Variants in NPSR1 observed in about 807,000 individuals in gnomAD.
NPSR1 encodes the protein neuropeptide S receptor.
Under a neutral mutation model 46.9 loss-of-function variants are expected in NPSR1, and 48 were observed. The ratio of observed to expected loss-of-function variants is 1.02; its 90% CI spans 0.81 to 1.30. The LOEUF is 1.30. NPSR1 is among the 50% of genes most tolerant of loss of function. The pLI is 0.00. For synonymous variants in NPSR1, 176 were observed against 168.1 expected, an observed-to-expected ratio of 1.05 and a Z score of -0.36; for missense variants, 450 against 449.5, an observed-to-expected ratio of 1.00 and a Z score of -0.01.
At chr7:34,757,625 C>G (rs1166564946) in intron 2 of NPSR1, among the ~76,000 whole-genome samples, 1 of 152,168 alleles carries the variant, frequency 6.6e-6, no homozygotes, top group Non-Finnish European at 1.5e-5. Context: ...TGAAGCCCAG[C>G]CTGTTCTTAC....
chr7:34,863,731 T>G, intron 8 of NPSR1, among the ~76,000 whole-genome samples: 1 of 151,762 alleles, frequency 6.6e-6, no homozygotes. Flanking sequence ...AAACAACAGA[T>G]GCTGGAGAGG....
At chr7:34,704,396 G>A (rs953353839) in intron 2 of NPSR1, among the ~76,000 whole-genome samples, 13 of 151,386 alleles carry the variant, frequency 8.6e-5, no homozygotes, top group African/African-American at 1.9e-4. Flanking sequence ...TAATTTCTAC[G>A]TGACCATTTC....
At chr7:34,695,970 T>C (rs1164566752) in intron 2 of NPSR1, among the ~76,000 whole-genome samples, 2 of 150,460 alleles carry the variant, frequency 1.3e-5, no homozygotes, top group Non-Finnish European at 3.0e-5. Flanking sequence ...CCAAAGGAAA[T>C]GAAATCACTA....
chr7:34,856,171 AAT>A (rs1554341011), intron 8 of NPSR1, among the ~76,000 whole-genome samples: 2 of 148,642 alleles, frequency 1.3e-5, no homozygotes, highest in East Asian at 3.9e-4. Context: ...AAGAAAAAAA[AAT>A]AAGATAAAAG....
chr7:34,793,612 A>G (rs1788038698), intron 3 of NPSR1, among the ~76,000 whole-genome samples: 1 of 152,168 alleles, frequency 6.6e-6, no homozygotes, highest in Admixed American at 6.6e-5. Context: ...ACTCTTACAT[A>G]TTGTTGGTGG....
intron 3 of NPSR1, among the ~76,000 whole-genome samples, chr7:34,783,142 G>T (rs1010413860): frequency 2.0e-5 from 3 of 152,094 alleles, no homozygotes; most frequent in Non-Finnish European, 4.4e-5. Context: ...TTATGAGGCA[G>T]CATCAAAAGA....
Position 34,849,638 on chromosome 7 carries a change from A to G in NPSR1, c.1099A>G (p.Lys367Glu). 1 of 1,614,064 alleles carries G rather than the reference A, an allele frequency of 6.2e-7. No individual in the cohort carries two copies. Among genetic ancestry groups the G allele is most frequent in the Non-Finnish European group, 8.5e-7 (1 of 1,179,912 alleles). The change falls in exon 9 of 9, where the codon AAG (lysine) becomes GAG (glutamate). Residue 367 changes from lysine (K) to glutamate (E), a missense_variant. Physicochemically the swap from Lys to Glu is moderately conservative, Grantham distance 56. Coordinates refer to ENST00000360581, the MANE Select transcript of NPSR1 (RefSeq NM_207172.2). The stretch of plus-strand genomic sequence containing the variant: ...GAGGCATGAGATGCAGATTCTGTCC[A>G]AGCCAGAATTCATCTAGACCCTAGG... ...TERHEMQILS[K>E]PEFI is the part of the protein sequence containing the mutation.
At chr7:34,765,359 T>C (rs2128730831) in intron 2 of NPSR1, among the ~76,000 whole-genome samples, 1 of 152,306 alleles carries the variant, frequency 6.6e-6, no homozygotes, top group Non-Finnish European at 1.5e-5. Context: ...ACACGGACTT[T>C]AAATAAAATA....
At chr7:34,827,684 C>A in intron 5 of NPSR1, 82 bp downstream of exon 5, 1 of 883,260 alleles carries the variant, frequency 1.1e-6, no homozygotes, top group Non-Finnish European at 1.7e-6. Context: ...GCTCTCCTCC[C>A]CAACAGACCC....
At chr7:34,787,048 T>C (rs1013827394) in intron 3 of NPSR1, among the ~76,000 whole-genome samples, 3 of 152,182 alleles carry the variant, frequency 2.0e-5, no homozygotes, top group Admixed American at 2.0e-4. Flanking sequence ...AAGCCAGGCA[T>C]TGACTTCTCC....
At chr7:34,845,582 G>T (rs975979893) in intron 7 of NPSR1, 3 of 455,262 alleles carry the variant, frequency 6.6e-6, no homozygotes, top group African/African-American at 6.0e-5. Flanking sequence ...CTCCCTGAGG[G>T]CTCCTTGATA....
At position 34,864,686 on chromosome 7, in the gene NPSR1, A is replaced by G. The variant is rs1347627812; in HGVS notation, c.1026-13390A>G. ...CAAAATGTTGGAGTTGAGATGTCCA[A>G]ATATAACTTCCTTTTTCCTCATGAG... On this transcript the variant is annotated intron_variant, in intron 8 of 8. Coordinates refer to the NPSR1 transcript ENST00000359791. 2.6e-5 allele frequency among the ~76,000 whole-genome samples: 4 copies of G among 151,868 alleles called. 1 individual carries two copies. The highest frequency in any genetic ancestry group is 9.7e-5 in the African/African-American group (4 of 41,118).
chr7:34,752,837 A>G (rs1411100782), intron 2 of NPSR1, among the ~76,000 whole-genome samples: 1 of 152,162 alleles, frequency 6.6e-6, no homozygotes, highest in African/African-American at 2.4e-5. Flanking sequence ...CCAGCAAAGC[A>G]CTACTCATTC....
At chr7:34,753,958 A>G (rs1323919842) in intron 2 of NPSR1, among the ~76,000 whole-genome samples, 2 of 152,222 alleles carry the variant, frequency 1.3e-5, no homozygotes, top group African/African-American at 4.8e-5. Context: ...AGTTTCAAAC[A>G]CAAAATAGAC....
rs191760316 is a variant in NPSR1 at position 34,805,587 on chromosome 7, C to T, written c.385-6183C>T. 1.2e-4 allele frequency among the ~76,000 whole-genome samples: 18 copies of T among 147,886 alleles called. 1 individual carries two copies. Among genetic ancestry groups the T allele is most frequent in the East Asian group, 1.2e-3 (6 of 4,966 alleles). On this transcript the variant is annotated intron_variant, in intron 3 of 8. Coordinates refer to ENST00000360581, the MANE Select transcript of NPSR1 (RefSeq NM_207172.2). ...TAATGCTCAATACTATTATATAAAA[C>T]GACTAGAAGATAACATAGGAGAAGA... is the stretch of plus-strand genomic sequence containing the variant.
At chr7:34,846,716 G>GA (rs764627919) in intron 7 of NPSR1, among the ~76,000 whole-genome samples, 5 of 152,110 alleles carry the variant, frequency 3.3e-5, no homozygotes, top group East Asian at 3.9e-4. Context: ...CCGGCAAAAA[G>GA]AAAAAATCCT....
chr7:34,682,662 G>C (rs1366630100), intron 1 of NPSR1, among the ~76,000 whole-genome samples: 1 of 152,166 alleles, frequency 6.6e-6, no homozygotes, highest in Non-Finnish European at 1.5e-5. Flanking sequence ...CTCCTGCTGT[G>C]TCTGCTACTG....
At chr7:34,674,198 G>T (rs2128676650) in intron 1 of NPSR1, among the ~76,000 whole-genome samples, 1 of 152,288 alleles carries the variant, frequency 6.6e-6, no homozygotes, top group Admixed American at 6.5e-5. Context: ...GTGGGAAGAA[G>T]TTGGGATGAC....
chr7:34,789,901 A>G (rs1030049945), intron 3 of NPSR1, among the ~76,000 whole-genome samples: 1 of 152,092 alleles, frequency 6.6e-6, no homozygotes, highest in Non-Finnish European at 1.5e-5. Flanking sequence ...CATTCCAAGA[A>G]AAGACCAGGA....
Sources: gnomAD v4.1 joint callset for allele counts (sites outside exome capture counted in the v4.1 genomes callset) on GRCh38, gnomAD v4.1.1 for gene constraint, MANE v1.5 for transcripts, NCBI Gene and HGNC (gene_info 2026-07-23, HGNC 2026-07-21) for gene names.